The following C6 variants were observed in gnomAD, a reference collection of about 807,000 sequenced individuals.
C6 encodes complement C6.
A neutral mutation model predicts 112.9 loss-of-function variants in C6; 101 were observed. That is an observed-to-expected ratio of 0.89 (90% confidence interval 0.76 to 1.06). The LOEUF (loss-of-function observed/expected upper bound fraction) is 1.06, where lower values mean the gene tolerates loss of function less well. C6 is among the 50% of genes least tolerant of loss of function. C6 has a pLI of 0.00. For synonymous variants in C6, 431 were observed against 384.1 expected (o/e 1.12, Z -1.43); for missense variants, 1,202 against 1,104.6 (o/e 1.09, Z -1.25).
chr5:41,196,079 A>C, intron 4 of C6, 146 bp from the exon 5 acceptor site: 1 of 893,102 alleles, frequency 1.1e-6, no homozygotes, highest in South Asian at 1.4e-5. Flanking sequence ...GGAGCACATA[A>C]AAATGGAGCG....
chr5:41,241,755 A>T (rs1186206816), intron 1 of C6, among the ~76,000 whole-genome samples: 1 of 152,210 alleles, frequency 6.6e-6, no homozygotes, highest in Non-Finnish European at 1.5e-5. Flanking sequence ...AGTGGATGCT[A>T]CTACATATAA....
chr5:41,179,709 T>C (rs988554697), intron 7 of C6, among the ~76,000 whole-genome samples: 1 of 148,460 alleles, frequency 6.7e-6, no homozygotes, highest in Non-Finnish European at 1.5e-5. Context: ...TATATAGTTA[T>C]ATATAATTTA....
At chr5:41,186,973 T>A (rs916178894) in intron 5 of C6, among the ~76,000 whole-genome samples, 1 of 152,106 alleles carries the variant, frequency 6.6e-6, no homozygotes. Context: ...GATATTAATA[T>A]GTATTCTGTG....
At chr5:41,233,191 A>T (rs1740017003) in intron 1 of C6, among the ~76,000 whole-genome samples, 1 of 152,118 alleles carries the variant, frequency 6.6e-6, no homozygotes, top group African/African-American at 2.4e-5. Flanking sequence ...TAACATTTTT[A>T]GCAGTCAGTT....
intron 15 of C6, among the ~76,000 whole-genome samples, chr5:41,151,247 T>C (rs1156568412): frequency 1.3e-5 from 2 of 152,086 alleles, no homozygotes; most frequent in Non-Finnish European, 2.9e-5. Flanking sequence ...AAGAGGATGA[T>C]AATTTGGACC....
intron 1 of C6, among the ~76,000 whole-genome samples, chr5:41,256,929 G>C (rs1741752278): frequency 6.6e-6 from 1 of 152,158 alleles, no homozygotes; most frequent in African/African-American, 2.4e-5. Flanking sequence ...TTTGTTTTCT[G>C]AATGAGGTAG....
In C6 at chr5:41,186,330, A is replaced by G. The variant is rs914281878; in HGVS notation, c.588-122T>C. ...TGCCTCAAGACAAATGACTTGAAGGAATCCCCCACACCTCCGCTTTTTTTT... is the reference window on the plus strand; with the variant it reads ...TGCCTCAAGACAAATGACTTGAAGGGATCCCCCACACCTCCGCTTTTTTTT... On this transcript the variant is annotated intron_variant, in intron 5 of 17. Coordinates refer to ENST00000337836, the MANE Select transcript of C6 (RefSeq NM_000065.5). 1.0e-5 allele frequency: 11 copies of G among 1,064,002 alleles called. No individual in the cohort carries two copies. In the Admixed American group the frequency reaches 2.1e-4, roughly 20 times the overall value. 65.9% of individuals were successfully genotyped at this position (1,064,002 alleles called of 1,614,324 possible). A position where few individuals can be genotyped will look rare whatever the true frequency, so the allele number is the denominator to read the frequency against.
chr5:41,210,877 C>T (rs1028573771), intron 1 of C6, among the ~76,000 whole-genome samples: 1 of 152,218 alleles, frequency 6.6e-6, no homozygotes, highest in Non-Finnish European at 1.5e-5. Flanking sequence ...CCCAGCCATC[C>T]TGTTACTGGG....
Position 41,142,885 on chromosome 5 carries a change from T to A in C6, c.2745A>T (p.Gly915=), listed in dbSNP as rs559999084. The A allele has an allele frequency of 6.2e-7, 1 of 1,613,632 alleles. No individual in the cohort carries two copies. Among genetic ancestry groups the A allele is most frequent in the Non-Finnish European group, 8.5e-7 (1 of 1,179,690 alleles). The change falls in exon 18 of 18, where the codon GGA becomes GGT. Residue 915 remains glycine, a synonymous_variant. Transcript: ENST00000337836. ...SEKTLNICEV[G]TIRCANRKME... is the part of the protein sequence containing the mutation. ...TCTTCCTGTTTGCACATCTTATAGT[T>A]CCCACTTCACAGATGTTCAATGTTT...
chr5:41,151,731 G>C (rs894472285), intron 15 of C6, among the ~76,000 whole-genome samples: 3 of 152,044 alleles, frequency 2.0e-5, no homozygotes, highest in African/African-American at 7.3e-5. Context: ...GCACTGGCAG[G>C]AGCCTACCAA....
intron 1 of C6, among the ~76,000 whole-genome samples, chr5:41,206,747 T>C (rs1003317987): frequency 9.2e-5 from 14 of 152,200 alleles, no homozygotes; most frequent in Admixed American, 8.5e-4. Context: ...AATCTACGTC[T>C]GATTGGTGTA....
chr5:41,227,246 G>T lies in C6; in HGVS notation c.-20-23996C>A, dbSNP rs183901828. ...TTTTTCAAATTCCTGTTGGTCATTT[G>T]TATGTCTTCTTTTGAGAAATGTCTG... On this transcript the variant is annotated intron_variant, in intron 1 of 17. Transcript: ENST00000263413. Among the ~76,000 whole-genome samples, 37 of 151,944 alleles carry T rather than the reference G, an allele frequency of 2.4e-4. 1 individual carries two copies. In the East Asian group the frequency reaches 6.8e-3, roughly 28 times the overall value.
chr5:41,185,388 C>G (rs1344898034), intron 6 of C6, among the ~76,000 whole-genome samples: 1 of 152,176 alleles, frequency 6.6e-6, no homozygotes, highest in African/African-American at 2.4e-5. Context: ...GAAATTCTCT[C>G]TAGCTTGTCA....
At chr5:41,215,545 C>T (rs1752169892), upstream of C6, among the ~76,000 whole-genome samples, 1 of 152,146 alleles carries the variant, frequency 6.6e-6, no homozygotes, top group African/African-American at 2.4e-5. Context: ...GGCTGAGTTG[C>T]TTCAGCAACT....
intron 1 of C6, among the ~76,000 whole-genome samples, chr5:41,205,389 A>G (rs1300265702): frequency 6.6e-6 from 1 of 152,176 alleles, no homozygotes; most frequent in South Asian, 2.1e-4. Context: ...CAGTGGGCGC[A>G]GTCCATGGAG....
chr5:41,241,705 G>T (rs766381728), intron 1 of C6, among the ~76,000 whole-genome samples: 3 of 152,168 alleles, frequency 2.0e-5, no homozygotes, highest in Admixed American at 6.5e-5. Context: ...GAACAGAAGA[G>T]ACATTAACTA....
chr5:41,238,756 C>T (rs965417036), intron 1 of C6, among the ~76,000 whole-genome samples: 10 of 152,072 alleles, frequency 6.6e-5, no homozygotes, highest in African/African-American at 2.4e-4. Flanking sequence ...CACAAATAAC[C>T]TGAAGGGCAT....
intron 10 of C6, among the ~76,000 whole-genome samples, chr5:41,161,116 AC>A (rs1747450182): frequency 1.3e-5 from 2 of 152,168 alleles, no homozygotes; most frequent in South Asian, 4.1e-4. Context: ...AATGAACATA[AC>A]AGCTTCTTTG....
At chr5:41,158,199 A>G (rs1226562434) in intron 13 of C6, among the ~76,000 whole-genome samples, 1 of 146,950 alleles carries the variant, frequency 6.8e-6, no homozygotes, top group Non-Finnish European at 1.5e-5. Flanking sequence ...TGGCTTGGTA[A>G]AAAAAAAAGT....
Sources: gnomAD v4.1 joint callset for allele counts (sites outside exome capture counted in the v4.1 genomes callset) on GRCh38, gnomAD v4.1.1 for gene constraint, MANE v1.5 for transcripts, NCBI Gene and HGNC (gene_info 2026-07-23, HGNC 2026-07-21) for gene names.